The following SCFD2 variants were observed in gnomAD, a reference collection of about 807,000 sequenced individuals.
The protein encoded by SCFD2 is sec1 family domain containing 2, also known as sec1 family domain-containing protein 2.
Under a neutral mutation model 58.9 loss-of-function variants are expected in SCFD2, and 54 were observed. The observed-to-expected ratio is 0.92, with a 90% CI of 0.74 to 1.15. The LOEUF is 1.15. Ranked by LOEUF, SCFD2 falls within the 50% of genes most tolerant of loss-of-function variation. SCFD2 has a pLI of 0.00. For missense variants in SCFD2, 805 were observed against 836.6 expected (o/e 0.96, Z 0.47); for synonymous variants, 321 against 335.9 (o/e 0.96, Z 0.49).
chr4:53,164,779 C>G (rs1726955831), intron 4 of SCFD2, among the ~76,000 whole-genome samples: 1 of 108,270 alleles, frequency 9.2e-6, no homozygotes, highest in Non-Finnish European at 1.8e-5. Flanking sequence ...AAGCGAGACT[C>G]TGGAGTCTCA....
chr4:53,108,577 T>C (rs1434380553), intron 5 of SCFD2, among the ~76,000 whole-genome samples: 2 of 152,108 alleles, frequency 1.3e-5, no homozygotes, highest in African/African-American at 4.8e-5. Flanking sequence ...CATCAGAGAA[T>C]ACTATAAACA....
chr4:53,039,179 C>A (rs185531909), intron 5 of SCFD2, among the ~76,000 whole-genome samples: 1 of 152,310 alleles, frequency 6.6e-6, no homozygotes, highest in Non-Finnish European at 1.5e-5. Context: ...GAGATTCAGT[C>A]TTCCTTTATG....
intron 5 of SCFD2, among the ~76,000 whole-genome samples, chr4:52,978,429 C>T (rs1721301207): frequency 6.6e-6 from 1 of 152,128 alleles, no homozygotes; most frequent in Non-Finnish European, 1.5e-5. Context: ...GCCCAACCTC[C>T]TCATCTATAA....
chr4:53,262,274 G>A (rs1311467961), intron 4 of SCFD2, among the ~76,000 whole-genome samples: 1 of 152,016 alleles, frequency 6.6e-6, no homozygotes, highest in Non-Finnish European at 1.5e-5. Flanking sequence ...AAGATGTCAG[G>A]TACTATTCTA....
At chr4:52,989,564 T>C (rs563373074) in intron 5 of SCFD2, among the ~76,000 whole-genome samples, 3 of 152,206 alleles carry the variant, frequency 2.0e-5, no homozygotes, top group Non-Finnish European at 2.9e-5. Context: ...TGTGGAATGC[T>C]TATGGTAGTG....
chr4:52,943,323 C>A (rs1391088802), intron 5 of SCFD2, among the ~76,000 whole-genome samples: 2 of 152,190 alleles, frequency 1.3e-5, no homozygotes, highest in Non-Finnish European at 2.9e-5. Flanking sequence ...TTAGTTTGTT[C>A]TGTGCTGCTA....
intron 4 of SCFD2, among the ~76,000 whole-genome samples, chr4:53,192,849 T>C (rs1374847686): frequency 6.6e-6 from 1 of 152,136 alleles, no homozygotes; most frequent in Non-Finnish European, 1.5e-5. Context: ...GCTAATAGGA[T>C]AGCACATTTA....
At chr4:52,950,115 G>A (rs1720549434) in intron 5 of SCFD2, 1 of 152,250 alleles carries the variant, frequency 6.6e-6, no homozygotes, top group South Asian at 2.1e-4. Context: ...ACTGCCCAGA[G>A]AGTGGCACTA....
intron 8 of SCFD2, among the ~76,000 whole-genome samples, chr4:52,877,238 A>G (rs989322438): frequency 1.3e-5 from 2 of 152,194 alleles, no homozygotes; most frequent in Non-Finnish European, 2.9e-5. Flanking sequence ...CTGAACAAGC[A>G]GGTGTTTAAC....
intron 5 of SCFD2, among the ~76,000 whole-genome samples, chr4:53,065,167 T>A (rs1211145276): frequency 1.3e-5 from 2 of 152,050 alleles, no homozygotes; most frequent in Non-Finnish European, 2.9e-5. Flanking sequence ...CTCAGTAGAA[T>A]AATAACTGCA....
intron 4 of SCFD2, among the ~76,000 whole-genome samples, chr4:53,178,769 G>C (rs1325784002): frequency 6.6e-6 from 1 of 152,118 alleles, no homozygotes; most frequent in Non-Finnish European, 1.5e-5. Context: ...TAGACGAATG[G>C]ATAACTAGAA....
At chr4:52,934,593 T>C (rs1032668621) in intron 5 of SCFD2, among the ~76,000 whole-genome samples, 1 of 152,196 alleles carries the variant, frequency 6.6e-6, no homozygotes, top group Non-Finnish European at 1.5e-5. Flanking sequence ...CTCCTAGAAA[T>C]GCACCTCCAG....
intron 5 of SCFD2, among the ~76,000 whole-genome samples, chr4:53,055,466 G>A (rs948993181): frequency 2.6e-5 from 4 of 152,120 alleles, no homozygotes; most frequent in African/African-American, 9.7e-5. Flanking sequence ...TGGGAGTCCT[G>A]AGGGTTTGGA....
At chr4:53,045,280 G>GA (rs1448017810) in intron 5 of SCFD2, among the ~76,000 whole-genome samples, 2 of 152,030 alleles carry the variant, frequency 1.3e-5, no homozygotes, top group African/African-American at 4.8e-5. Context: ...TTATAGTGTG[G>GA]ATTTTTAGTT....
At chr4:52,891,296 G>T (rs370906317) in intron 7 of SCFD2, among the ~76,000 whole-genome samples, 1 of 152,330 alleles carries the variant, frequency 6.6e-6, no homozygotes, top group African/African-American at 2.4e-5. Context: ...AACCCCTGCT[G>T]TCACAGAGCT....
chr4:53,112,489 G>T (rs577888087), intron 5 of SCFD2, among the ~76,000 whole-genome samples: 3 of 152,098 alleles, frequency 2.0e-5, no homozygotes, highest in East Asian at 1.9e-4. Flanking sequence ...GCCATCAAAG[G>T]GTCTATCTGC....
intron 4 of SCFD2, among the ~76,000 whole-genome samples, chr4:53,257,227 G>C (rs1403822409): frequency 6.6e-6 from 1 of 152,156 alleles, no homozygotes; most frequent in Non-Finnish European, 1.5e-5. Flanking sequence ...GGCTCCAGAA[G>C]GCAGCCTTTT....
At chr4:52,964,479 T>G (rs1720916566) in intron 5 of SCFD2, among the ~76,000 whole-genome samples, 1 of 152,294 alleles carries the variant, frequency 6.6e-6, no homozygotes, top group Middle Eastern at 3.4e-3. Flanking sequence ...AACCAATGTC[T>G]TTTCCAACGG....
Position 53,298,988 on chromosome 4 carries a change from A to G in SCFD2, c.1135+14648T>C, listed in dbSNP as rs1200320524. 2.0e-5 allele frequency among the ~76,000 whole-genome samples: 3 copies of G among 152,176 alleles called. No homozygotes were observed. The South Asian group carries it at 6.2e-4, about 32-fold the overall frequency. Reference sequence around the variant, plus strand: ...ACCAAAGGAAGATAAAACCACAAAGATGGGGAAAAAACAGAGCAGAAAAAA... The same window carrying G: ...ACCAAAGGAAGATAAAACCACAAAGGTGGGGAAAAAACAGAGCAGAAAAAA... On this transcript the variant is annotated intron_variant, in intron 3 of 8. Coordinates refer to ENST00000401642, the MANE Select transcript of SCFD2 (RefSeq NM_152540.4).
Sources: allele counts gnomAD v4.1 joint callset (sites outside exome capture counted in the v4.1 genomes callset), GRCh38; gene constraint gnomAD v4.1.1; transcripts MANE v1.5; gene names NCBI Gene and HGNC (gene_info 2026-07-23, HGNC 2026-07-21).